Variants in TPCN1 observed in about 807,000 individuals in gnomAD.
The protein encoded by TPCN1 is two pore segment channel 1, also known as two pore channel protein 1.
TPCN1 carries 52 observed loss-of-function variants against 108.8 expected under a neutral mutation model. The observed-to-expected ratio is 0.48, with a 90% CI of 0.38 to 0.60. TPCN1 has a LOEUF of 0.60. TPCN1 is among the 20% of genes least tolerant of loss of function. The probability of loss-of-function intolerance (pLI) is 0.00; values close to 1 mark genes in which losing one functional copy is unlikely to be tolerated. For synonymous variants in TPCN1, 446 were observed against 433.7 expected (o/e 1.03, Z -0.35); for missense variants, 806 against 1,072.8 (o/e 0.75, Z 3.47).
chr12:113,276,264 A>C (rs1398212979), intron 10 of TPCN1, among the ~76,000 whole-genome samples: 1 of 152,244 alleles, frequency 6.6e-6, no homozygotes, highest in Non-Finnish European at 1.5e-5. Context: ...CCCTTAAAAC[A>C]TTTTTAAAGA....
At chr12:113,243,968 C>T (rs1303538292) in intron 2 of TPCN1, among the ~76,000 whole-genome samples, 1 of 152,118 alleles carries the variant, frequency 6.6e-6, no homozygotes, top group Non-Finnish European at 1.5e-5. Flanking sequence ...CCCCTAACTC[C>T]CAAAAGCCTG....
intron 2 of TPCN1, among the ~76,000 whole-genome samples, chr12:113,228,310 A>G (rs1250112957): frequency 6.6e-6 from 1 of 152,138 alleles, no homozygotes; most frequent in Admixed American, 6.5e-5. Flanking sequence ...ATCACCCTTA[A>G]TAAATGTGAG....
At chr12:113,249,614 G>A (rs1954550624) in intron 2 of TPCN1, 2 of 152,288 alleles carry the variant, frequency 1.3e-5, no homozygotes, top group Admixed American at 1.3e-4. Flanking sequence ...TCACGCAGGA[G>A]AGCTACGCAG....
intron 25 of TPCN1, 41 bp downstream of exon 25, chr12:113,291,999 G>A (rs774793746): frequency 3.8e-5 from 59 of 1,556,170 alleles, no homozygotes; most frequent in East Asian, 6.7e-5. Flanking sequence ...GATATCTGCC[G>A]CCTACCCAGC....
intron 2 of TPCN1, among the ~76,000 whole-genome samples, chr12:113,237,746 T>A (rs142672932): frequency 3.0e-4 from 46 of 152,348 alleles, no homozygotes; most frequent in African/African-American, 1.1e-3. Context: ...GCCTGGGGTC[T>A]GGCCCAGGAG....
chr12:113,245,493 C>A (rs374013733), intron 2 of TPCN1, among the ~76,000 whole-genome samples: 1 of 132,098 alleles, frequency 7.6e-6, no homozygotes, highest in Admixed American at 8.0e-5. Context: ...CCCAGCTACT[C>A]GGGAGGCTGA....
intron 3 of TPCN1, among the ~76,000 whole-genome samples, chr12:113,264,463 G>T (rs1401188912): frequency 1.3e-5 from 2 of 152,112 alleles, no homozygotes; most frequent in African/African-American, 4.8e-5. Context: ...CAGATCACTT[G>T]AGCTCAGGAG....
intron 2 of TPCN1, among the ~76,000 whole-genome samples, chr12:113,259,857 G>T (rs1357195692): frequency 3.9e-5 from 6 of 152,228 alleles, no homozygotes; most frequent in African/African-American, 1.4e-4. Flanking sequence ...GTGTTGCTGG[G>T]AGAGGAGGGC....
intron 2 of TPCN1, among the ~76,000 whole-genome samples, chr12:113,255,106 C>T (rs755973362): frequency 6.6e-6 from 1 of 152,210 alleles, no homozygotes; most frequent in Non-Finnish European, 1.5e-5. Context: ...ATAAAACTGT[C>T]CTTATTCTCA....
chr12:113,271,040 T>C (rs972076797), intron 7 of TPCN1, among the ~76,000 whole-genome samples: 1 of 152,076 alleles, frequency 6.6e-6, no homozygotes, highest in African/African-American at 2.4e-5. Flanking sequence ...GGCAGATCGC[T>C]TGAGTCCAGG....
intron 2 of TPCN1, among the ~76,000 whole-genome samples, chr12:113,248,674 G>A (rs1184788472): frequency 5.3e-5 from 8 of 152,220 alleles, no homozygotes; most frequent in Non-Finnish European, 8.8e-5. Flanking sequence ...CAGGCAGGAC[G>A]AGGTGACTTG....
At chr12:113,267,678 C>T (rs1364977901) in intron 4 of TPCN1, among the ~76,000 whole-genome samples, 165 bp from the exon 5 acceptor site, 5 of 152,130 alleles carry the variant, frequency 3.3e-5, no homozygotes, top group African/African-American at 7.2e-5. Flanking sequence ...GGGAAAGCTC[C>T]GTGACCAAGG....
intron 7 of TPCN1, among the ~76,000 whole-genome samples, chr12:113,271,109 A>G (rs185667865): frequency 4.6e-5 from 7 of 152,038 alleles, no homozygotes; most frequent in Admixed American, 2.0e-4. Flanking sequence ...ACACAAAAAA[A>G]ATATACAGGA....
At chr12:113,257,022 T>C (rs1291255327) in intron 2 of TPCN1, among the ~76,000 whole-genome samples, 1 of 151,776 alleles carries the variant, frequency 6.6e-6, no homozygotes, top group Non-Finnish European at 1.5e-5. Flanking sequence ...CCAGAGTGTA[T>C]AAAAGAGCTC....
At chr12:113,257,362 G>A (rs555063195) in intron 2 of TPCN1, among the ~76,000 whole-genome samples, 14 of 152,098 alleles carry the variant, frequency 9.2e-5, no homozygotes, top group African/African-American at 3.4e-4. Context: ...ATGGTGGTGC[G>A]TGCCTGTAAT....
rs1258705137 is a variant in TPCN1, at chr12:113,232,977, G to A, written c.112+6013G>A. On this transcript the variant is annotated intron_variant, in intron 2 of 27. Transcript: ENST00000335509. This position sits in a 1 kb window ranked among gnomAD's most constrained non-coding sequence, Gnocchi z 5.6. Reference sequence around the variant, plus strand: ...CCACCGAGCTTGGGCATTTGGCTCCGCTGGAGTCATTCCCCTGGCTTTTTC... The same window carrying A: ...CCACCGAGCTTGGGCATTTGGCTCCACTGGAGTCATTCCCCTGGCTTTTTC... 5.9e-5 allele frequency among the ~76,000 whole-genome samples: 9 copies of A among 152,212 alleles called. No individual in the cohort carries two copies. In the South Asian group the frequency reaches 6.2e-4, roughly 10 times the overall value.
At chr12:113,285,861 G>A in intron 17 of TPCN1, 28 bp from the exon 18 acceptor site, 2 of 1,600,874 alleles carry the variant, frequency 1.2e-6, no homozygotes, top group Non-Finnish European at 1.7e-6. Context: ...TGGCGGGGCT[G>A]CTGCCGATGG....
intron 22 of TPCN1, 115 bp downstream of exon 22, chr12:113,290,358 C>A: frequency 1.4e-6 from 1 of 736,280 alleles, no homozygotes; most frequent in South Asian, 1.7e-5. Flanking sequence ...TTTCTGGAAG[C>A]CTCCCTGGCC....
At chr12:113,280,229 T>A in intron 15 of TPCN1, 34 bp downstream of exon 15, 1 of 1,573,030 alleles carries the variant, frequency 6.4e-7, no homozygotes, top group Non-Finnish European at 8.7e-7. Context: ...TAGGCCACTT[T>A]CCCCCTGAGT....
Sources: gnomAD v4.1 joint callset for allele counts (sites outside exome capture counted in the v4.1 genomes callset) on GRCh38, gnomAD v4.1.1 for gene constraint, Gnocchi (gnomAD v3.1) non-coding constraint, MANE v1.5 for transcripts, NCBI Gene and HGNC (gene_info 2026-07-23, HGNC 2026-07-21) for gene names.